GEMIN8: variants seen among roughly 807,000 people sequenced by gnomAD.
The protein encoded by GEMIN8 is gem nuclear organelle associated protein 8.
For synonymous variants in GEMIN8, 80 were observed against 78.5 expected, an observed-to-expected ratio of 1.02 and a Z score of -0.10; for missense variants, 185 against 205.9, an observed-to-expected ratio of 0.90 and a Z score of 0.62.
At chrX:13,999,488 C>T in the GEMIN8 span, among the ~76,000 whole-genome samples, 2 of 110,640 alleles carry the variant, frequency 1.8e-5, no homozygotes, top group Non-Finnish European at 3.8e-5. Context: ...GTTGCCCAGG[C>T]TGATCTTGAA....
At chrX:14,022,537 T>A (rs1603202213) in intron 2 of GEMIN8, among the ~76,000 whole-genome samples, 1 of 111,931 alleles carries the variant, frequency 8.9e-6, no homozygotes, top group African/African-American at 3.3e-5. Context: ...ATTCGATGCA[T>A]GAAATACCCA....
chrX:14,009,148 G>A lies in GEMIN8; in HGVS notation c.494C>T (p.Ala165Val). The change falls in exon 5 of 5, where the codon GCA becomes GTA. Residue 165 changes from alanine (A) to valine (V), a missense_variant. By Grantham distance (64) the Ala-to-Val change is moderately conservative. Transcript: ENST00000680255. Reference sequence around the variant, plus strand: ...GTTCACATAGCTGTCCAGGCGCTCTGCATCCAGCTGCTGCTGCCGCCCTGA... The same window carrying A: ...GTTCACATAGCTGTCCAGGCGCTCTACATCCAGCTGCTGCTGCCGCCCTGA... ...EERRRQQQLD[A>V]ERLDSYVNAD... 1.7e-6 allele frequency: 2 copies of A among 1,210,912 alleles called. No homozygotes were observed. The highest frequency in any genetic ancestry group is 2.2e-6 in the Non-Finnish European group (2 of 894,535).
the GEMIN8 span, among the ~76,000 whole-genome samples, chrX:13,993,839 A>G: frequency 8.9e-6 from 1 of 111,810 alleles, no homozygotes; most frequent in African/African-American, 3.3e-5. Context: ...TATAGACCAG[A>G]GCATCACCTG....
Position 14,020,240 on chromosome X carries a change from T to C in GEMIN8, c.310A>G (p.Ser104Gly), listed in dbSNP as rs772807636. 1.3e-5 allele frequency: 16 copies of C among 1,209,676 alleles called. No individual in the cohort carries two copies. The South Asian group carries it at 2.5e-4, about 19-fold the overall frequency. The change falls in exon 4 of 5, where the codon AGT becomes GGT. Residue 104 changes from serine to glycine, a missense_variant. Transcript: ENST00000680255. ...RRSGQHPRYSSRIQASTKEDQ... is the reference protein window; with the variant it reads ...RRSGQHPRYSGRIQASTKEDQ... ...TCTTTTGTGGATGCCTGGATCCTAC[T>C]GCTGTAACGTGGATGCTGCCCAGAT...
chrX:14,013,926 T>G, intron 4 of GEMIN8: 1 of 720,171 alleles, frequency 1.4e-6, no homozygotes, highest in African/African-American at 2.3e-5. Context: ...TTTACTGGAT[T>G]CCATCTGGGT....
the GEMIN8 span, among the ~76,000 whole-genome samples, chrX:13,999,955 C>T: frequency 9.0e-6 from 1 of 111,441 alleles, no homozygotes; most frequent in East Asian, 2.8e-4. Flanking sequence ...CTGTTATTTT[C>T]CCCTTTCTGT....
At chrX:14,024,759 A>T (rs1293586362) in intron 2 of GEMIN8, among the ~76,000 whole-genome samples, 1 of 112,073 alleles carries the variant, frequency 8.9e-6, no homozygotes. Context: ...CATTAATTAA[A>T]TATATTAATT....
chrX:14,018,984 C>T (rs936348741), intron 4 of GEMIN8, among the ~76,000 whole-genome samples: 2 of 111,040 alleles, frequency 1.8e-5, no homozygotes, highest in African/African-American at 6.5e-5. Context: ...TCAAAAAAAT[C>T]TGAACAAGTA....
At chrX:14,017,521 T>C (rs1438219905) in intron 4 of GEMIN8, among the ~76,000 whole-genome samples, 1 of 112,004 alleles carries the variant, frequency 8.9e-6, no homozygotes, top group Non-Finnish European at 1.9e-5. Context: ...CATAACAAAG[T>C]ACCATATACT....
At chrX:14,019,979 C>T (rs1041616558) in intron 4 of GEMIN8, 99 bp downstream of exon 4, 6 of 463,602 alleles carry the variant, frequency 1.3e-5, no homozygotes, top group African/African-American at 1.2e-4. Flanking sequence ...ATTACCCTAG[C>T]CAATGAAGAA....
chrX:13,987,961 T>A, the GEMIN8 span, among the ~76,000 whole-genome samples: 2 of 111,549 alleles, frequency 1.8e-5, no homozygotes, highest in Non-Finnish European at 3.8e-5. Context: ...CAAGAAATGG[T>A]ATTTCACTTT....
the GEMIN8 span, among the ~76,000 whole-genome samples, chrX:13,990,649 T>C: frequency 8.9e-6 from 1 of 112,844 alleles, no homozygotes. Context: ...CACTTTTGCA[T>C]ACATAAGTAT....
At chrX:13,993,561 A>G in the GEMIN8 span, among the ~76,000 whole-genome samples, 1 of 106,958 alleles carries the variant, frequency 9.3e-6, no homozygotes, top group Non-Finnish European at 1.9e-5. Context: ...GACTACAGGC[A>G]TGCACCACCA....
downstream of GEMIN8, among the ~76,000 whole-genome samples, chrX:14,001,729 T>C (rs1187557094): frequency 5.4e-5 from 6 of 111,420 alleles, no homozygotes; most frequent in African/African-American, 1.9e-4. Flanking sequence ...GCCAGGATAG[T>C]CTCCATCTCT....
At chrX:14,020,952 C>T (rs977410521) in intron 3 of GEMIN8, among the ~76,000 whole-genome samples, 1 of 111,177 alleles carries the variant, frequency 9.0e-6, no homozygotes, top group Non-Finnish European at 1.9e-5. Flanking sequence ...ACAAGCATGA[C>T]AGACTTTAGT....
At chrX:14,018,451 C>A (rs1389635708) in intron 4 of GEMIN8, among the ~76,000 whole-genome samples, 1 of 111,898 alleles carries the variant, frequency 8.9e-6, no homozygotes, top group Non-Finnish European at 1.9e-5. Context: ...AAAGTATCAA[C>A]CTCTAGTGGG....
At chrX:13,992,572 T>A in the GEMIN8 span, among the ~76,000 whole-genome samples, 1 of 111,166 alleles carries the variant, frequency 9.0e-6, no homozygotes, top group African/African-American at 3.3e-5. Context: ...GAGAGGGACC[T>A]GAGACTCTGC....
chrX:14,009,235 G>T, intron 4 of GEMIN8, 66 bp from the exon 5 acceptor site: 1 of 1,082,907 alleles, frequency 9.2e-7, no homozygotes, highest in Non-Finnish European at 1.3e-6. Flanking sequence ...AAGGAGCCCA[G>T]TGAGTGCTGC....
At position 14,008,873 on chromosome X, in the gene GEMIN8, A is replaced by G; in HGVS notation, c.*40T>C. 1 of 1,174,296 alleles carries G rather than the reference A, an allele frequency of 8.5e-7. No individual in the cohort carries two copies. The highest frequency in any genetic ancestry group is 1.2e-6 in the Non-Finnish European group (1 of 866,732). The stretch of plus-strand genomic sequence containing the variant: ...AAGGAGAGATAAAGAGCGTGTACCC[A>G]AAAGGAAGAAGGAGAGGCTGGGTAC... On this transcript the variant is annotated 3_prime_UTR_variant, in exon 5 of 5. Coordinates refer to ENST00000680255, the MANE Select transcript of GEMIN8 (RefSeq NM_001042479.2).
Sources: gnomAD v4.1 joint callset for allele counts (sites outside exome capture counted in the v4.1 genomes callset) on GRCh38, gnomAD v4.1.1 for gene constraint, MANE v1.5 for transcripts, NCBI Gene and HGNC (gene_info 2026-07-23, HGNC 2026-07-21) for gene names.